Variants in DMD observed in about 807,000 individuals in gnomAD.
DMD encodes the protein dystrophin.
A neutral mutation model predicts 330.1 loss-of-function variants in DMD; 63 were observed. The ratio of observed to expected loss-of-function variants is 0.19; its 90% confidence interval spans 0.16 to 0.24. The LOEUF is 0.24. Among genes scored for constraint, DMD ranks in the 10% least tolerant of loss-of-function variants. The pLI is 1.00. For missense variants in DMD, 3,344 were observed against 2,684.1 expected (o/e 1.25, Z -5.43); for synonymous variants, 1,223 against 959.8 (o/e 1.27, Z -5.07).
chrX:31,551,091 A>G lies in DMD; in HGVS notation c.8218-43638T>C, dbSNP rs141365612. Reference sequence around the variant, plus strand: ...GCTACTCAAGAGGCTGAGGCAGGAGAATCACTTGAACTCGGGAGGTGGAGG... The same window carrying G: ...GCTACTCAAGAGGCTGAGGCAGGAGGATCACTTGAACTCGGGAGGTGGAGG... On this transcript the variant is annotated intron_variant, in intron 55 of 78. Transcript: ENST00000357033. Among the ~76,000 whole-genome samples, 8 of 108,569 alleles carry G rather than the reference A, an allele frequency of 7.4e-5. No individual in the cohort carries two copies. In the East Asian group the frequency reaches 2.3e-3, roughly 32 times the overall value. 94.3% of individuals were successfully genotyped at this position (108,569 alleles called of 115,157 possible).
intron 5 of DMD, among the ~76,000 whole-genome samples, chrX:32,821,627 A>C (rs2078266412): frequency 9.0e-6 from 1 of 110,780 alleles, no homozygotes; most frequent in Non-Finnish European, 1.9e-5. Context: ...AAAATAAAAA[A>C]ATTCAAGTTT....
At chrX:31,565,957 A>G (rs750702794) in intron 55 of DMD, among the ~76,000 whole-genome samples, 1 of 111,490 alleles carries the variant, frequency 9.0e-6, no homozygotes, top group Non-Finnish European at 1.9e-5. Flanking sequence ...TCCTAATTGC[A>G]TTGTTTGTTT....
At chrX:32,063,224 A>G (rs1382946472) in intron 44 of DMD, among the ~76,000 whole-genome samples, 8 of 107,739 alleles carry the variant, frequency 7.4e-5, no homozygotes, top group South Asian at 7.9e-4. Flanking sequence ...ATGATTATAT[A>G]TCCATATCCT....
chrX:33,078,557 A>G (rs1480814501), intron 1 of DMD, among the ~76,000 whole-genome samples: 1 of 112,240 alleles, frequency 8.9e-6, no homozygotes, highest in Non-Finnish European at 1.9e-5. Flanking sequence ...CTCTGAAAAC[A>G]AAAGGATTAG....
intron 7 of DMD, among the ~76,000 whole-genome samples, chrX:32,786,228 G>A (rs775440465): frequency 4.6e-4 from 50 of 109,706 alleles, no homozygotes; most frequent in Non-Finnish European, 8.4e-4. Flanking sequence ...TAGGTAAAAT[G>A]TATCTTTTTA....
intron 29 of DMD, among the ~76,000 whole-genome samples, chrX:32,417,705 A>G (rs16998297): frequency 0.021 from 2,334 of 110,382 alleles, 66 homozygotes; most frequent in African/African-American, 0.074. Flanking sequence ...AGGCTTGAAG[A>G]TGTTTTTATA....
chrX:31,266,631 G>C (rs1261133785), intron 62 of DMD, among the ~76,000 whole-genome samples: 2 of 111,919 alleles, frequency 1.8e-5, no homozygotes, highest in East Asian at 5.7e-4. Context: ...CCCCGGGGGC[G>C]CACCTGCAGC....
Position 31,978,321 on chromosome X carries a change from A to G in DMD, c.6439-9807T>C, listed in dbSNP as rs754412159. On this transcript the variant is annotated intron_variant, in intron 44 of 78. Transcript: ENST00000357033. Reference sequence around the variant, plus strand: ...TTTTCATTCCTCCAATCCAAATTCTATTTTACTGATCCTAATTGTTATACT... The same window carrying G: ...TTTTCATTCCTCCAATCCAAATTCTGTTTTACTGATCCTAATTGTTATACT... 4.6e-5 allele frequency among the ~76,000 whole-genome samples: 5 copies of G among 109,721 alleles called. No homozygotes were observed. The South Asian group carries it at 2.0e-3, about 43-fold the overall frequency.
Position 31,498,272 on chromosome X carries a change from T to C in DMD, c.8391-1328A>G, listed in dbSNP as rs888852859. Among the ~76,000 whole-genome samples, 17 of 112,211 alleles carry C rather than the reference T, an allele frequency of 1.5e-4. No homozygotes were observed. The Admixed American group carries it at 1.5e-3, about 10-fold the overall frequency. ...ACAGAAACAACTTAAATATTCAATA[T>C]GAGGGAATTGCTTGAGAAATGCAAA... is the stretch of plus-strand genomic sequence containing the variant. On this transcript the variant is annotated intron_variant, in intron 56 of 78. Transcript: ENST00000357033.
At chrX:31,942,371 A>G in intron 45 of DMD, among the ~76,000 whole-genome samples, 1 of 112,183 alleles carries the variant, frequency 8.9e-6, no homozygotes, top group Non-Finnish European at 1.9e-5. Context: ...ACTCAACAAC[A>G]TCCTAGTGCC....
At chrX:33,276,907 G>T (rs1382689443) in intron 1 of DMD, among the ~76,000 whole-genome samples, 1 of 111,973 alleles carries the variant, frequency 8.9e-6, no homozygotes, top group Non-Finnish European at 1.9e-5. Flanking sequence ...CAAAACTGCG[G>T]TATAATATCA....
chrX:32,173,220 A>G (rs898744788), intron 44 of DMD, among the ~76,000 whole-genome samples: 7 of 109,424 alleles, frequency 6.4e-5, no homozygotes, highest in Non-Finnish European at 1.1e-4. Context: ...ATCACTCCTC[A>G]TGAGTACAGT....
intron 7 of DMD, among the ~76,000 whole-genome samples, chrX:32,718,769 T>A (rs1168508420): frequency 8.9e-6 from 1 of 112,164 alleles, no homozygotes; most frequent in African/African-American, 3.2e-5. Flanking sequence ...AAAACATCAA[T>A]TAAATGAAAG....
chrX:32,319,731 A>C (rs2148656813), intron 41 of DMD, among the ~76,000 whole-genome samples: 1 of 111,021 alleles, frequency 9.0e-6, no homozygotes, highest in Admixed American at 9.7e-5. Context: ...ATAAGCAATT[A>C]TTTGAGGTAA....
At chrX:31,367,228 C>T (rs1395813112) in intron 60 of DMD, among the ~76,000 whole-genome samples, 1 of 110,933 alleles carries the variant, frequency 9.0e-6, no homozygotes, top group Non-Finnish European at 1.9e-5. Context: ...CTTTATAGCT[C>T]GGAAATTTGT....
intron 63 of DMD, among the ~76,000 whole-genome samples, chrX:31,244,001 C>A (rs1182803363): frequency 1.8e-5 from 2 of 112,309 alleles, no homozygotes; most frequent in Non-Finnish European, 3.8e-5. Flanking sequence ...GAAGCAAGAA[C>A]CTTGAAAAGA....
chrX:32,877,689 AG>A (rs1406790463), intron 2 of DMD, among the ~76,000 whole-genome samples: 1 of 112,015 alleles, frequency 8.9e-6, no homozygotes, highest in African/African-American at 3.3e-5. Context: ...AGGCTAGTAA[AG>A]CTGCTTTGCC....
rs773635907 is a variant in DMD at position 33,169,217 on chromosome X, T to C, written c.31+42065A>G. Among the ~76,000 whole-genome samples, 3 of 111,617 alleles carry C rather than the reference T, an allele frequency of 2.7e-5. No homozygotes were observed. In the Admixed American group the frequency reaches 2.9e-4, roughly 11 times the overall value. On this transcript the variant is annotated intron_variant, in intron 1 of 78. Coordinates refer to ENST00000357033, the MANE Select transcript of DMD (RefSeq NM_004006.3). ...TGTTAATTTTGTACATTTGCAAAAATCAATAGCTAGAAAATTTACTAGACA... is the reference window on the plus strand; with the variant it reads ...TGTTAATTTTGTACATTTGCAAAAACCAATAGCTAGAAAATTTACTAGACA...
intron 9 of DMD, among the ~76,000 whole-genome samples, chrX:32,663,159 T>G: frequency 8.9e-6 from 1 of 111,951 alleles, no homozygotes; most frequent in East Asian, 2.8e-4. Context: ...GATTTTAGGC[T>G]TGCCAATGCA....
Sources: allele counts gnomAD v4.1 joint callset (sites outside exome capture counted in the v4.1 genomes callset), GRCh38; gene constraint gnomAD v4.1.1; transcripts MANE v1.5; gene names NCBI Gene and HGNC (gene_info 2026-07-23, HGNC 2026-07-21).